Variants in TCN2 observed in about 807,000 individuals in gnomAD.
TCN2 encodes the protein transcobalamin-2.
In TCN2, 34 loss-of-function variants were observed where a neutral mutation model predicts 48.6. The observed-to-expected ratio is 0.70, with a 90% CI of 0.53 to 0.93. The LOEUF (loss-of-function observed/expected upper bound fraction) is 0.93. Among genes scored for constraint, TCN2 ranks in the 40% least tolerant of loss-of-function variants. TCN2 has a pLI of 0.00. For synonymous variants in TCN2, 283 were observed against 212.5 expected, an observed-to-expected ratio of 1.33 and a Z score of -2.89; for missense variants, 652 against 526.1, an observed-to-expected ratio of 1.24 and a Z score of -2.34.
rs2087598293 is a variant in TCN2, at chr22:30,615,429, G to A, written c.709G>A (p.Glu237Lys). Residue 237 changes from glutamate (E) to lysine (K), a missense_variant, in exon 5 of 9, where the codon GAG (glutamate) becomes AAG (lysine). By Grantham distance (56) the Glu-to-Lys change is moderately conservative. Transcript: ENST00000215838. ...GGAGATCTTGAAGGCCCAGACCCCCGAGGGCCACTTTGGGAATGTCTACAG... is the reference window on the plus strand; with the variant it reads ...GGAGATCTTGAAGGCCCAGACCCCCAAGGGCCACTTTGGGAATGTCTACAG... ...REEILKAQTP[E>K]GHFGNVYSTP... 5 of 1,614,030 alleles carry A rather than the reference G, an allele frequency of 3.1e-6. No individual in the cohort carries two copies. Among genetic ancestry groups the A allele is most frequent in the African/African-American group, 2.7e-5 (2 of 74,914 alleles).
intron 8 of TCN2, among the ~76,000 whole-genome samples, chr22:30,623,795 T>TAC (rs1267479189): frequency 5.3e-4 from 2 of 3,744 alleles, no homozygotes; most frequent in African/African-American, 2.8e-3. Context: ...TATACATATA[T>TAC]ACACACATAC....
chr22:30,609,790 A>G (rs1438267193), intron 1 of TCN2, among the ~76,000 whole-genome samples: 1 of 152,216 alleles, frequency 6.6e-6, no homozygotes, highest in African/African-American at 2.4e-5. Flanking sequence ...CTGGGCCCAC[A>G]CAGCAAAGGA....
Position 30,614,476 on chromosome 22 carries a change from T to G in TCN2, c.555T>G (p.Pro185=), listed in dbSNP as rs753255577. 3 of 1,614,188 alleles carry G rather than the reference T, an allele frequency of 1.9e-6. No individual in the cohort carries two copies. Among genetic ancestry groups the G allele is most frequent in the Non-Finnish European group, 2.5e-6 (3 of 1,180,028 alleles). ...ACAAACTTCTGTATGCTGTGGAACC[T>G]TTCCACCAGGGCCACCATTCTGTGG... ...VVDKLLYAVE[P]FHQGHHSVDT... is the part of the protein sequence containing the mutation. Residue 185 remains proline (P), a synonymous_variant, in exon 4 of 9, where the codon CCT becomes CCG. Coordinates refer to ENST00000215838, the MANE Select transcript of TCN2 (RefSeq NM_000355.4).
intron 7 of TCN2, among the ~76,000 whole-genome samples, chr22:30,620,143 CT>C (rs35127123): frequency 0.14 from 20,039 of 144,548 alleles, 1,384 homozygotes; most frequent in Admixed American, 0.17. Context: ...GATGACAAAA[CT>C]TTTTTTTTTT....
In TCN2 at chr22:30,615,724, C is replaced by G; in HGVS notation, c.877C>G (p.Leu293Val). 2 of 1,614,200 alleles carry G rather than the reference C, an allele frequency of 1.2e-6. No homozygotes were observed. The highest frequency in any genetic ancestry group is 1.7e-6 in the Non-Finnish European group (2 of 1,180,038). Reference sequence around the variant, plus strand: ...GAATGCTCTCATGATTTCCCAGCTGCTGCCCGTTCTGAACCACAAGACCTA... The same window carrying G: ...GAATGCTCTCATGATTTCCCAGCTGGTGCCCGTTCTGAACCACAAGACCTA... ...FQNALMISQL[L>V]PVLNHKTYID... Residue 293 changes from leucine to valine, a missense_variant, in exon 6 of 9, where the codon CTG (leucine) becomes GTG (valine). Coordinates refer to ENST00000215838, the MANE Select transcript of TCN2 (RefSeq NM_000355.4).
chr22:30,614,686 T>TGGTA (rs1201078565), intron 4 of TCN2, among the ~76,000 whole-genome samples, 185 bp downstream of exon 4: 2 of 152,146 alleles, frequency 1.3e-5, no homozygotes, highest in Non-Finnish European at 2.9e-5. Flanking sequence ...GCTTTGGAGC[T>TGGTA]GGTAGGTGGA....
In TCN2 at chr22:30,614,381, T is replaced by C. The variant is rs2087582347; in HGVS notation, c.460T>C (p.Tyr154His). The C allele has an allele frequency of 1.2e-6, 2 of 1,614,022 alleles. No individual in the cohort carries two copies. Among genetic ancestry groups the C allele is most frequent in the South Asian group, 2.2e-5 (2 of 91,082 alleles). Residue 154 changes from tyrosine to histidine, a missense_variant, in exon 4 of 9, where the codon TAC (tyrosine) becomes CAC (histidine). Coordinates refer to ENST00000215838, the MANE Select transcript of TCN2 (RefSeq NM_000355.4). ...HDHKGHPHTS[Y>H]YQYGLGILAL... Reference sequence around the variant, plus strand: ...TCACAAGGGCCACCCCCACACTAGCTACTACCAGTATGGCCTGGGCATTCT... The same window carrying C: ...TCACAAGGGCCACCCCCACACTAGCCACTACCAGTATGGCCTGGGCATTCT...
rs569631442 is a variant in TCN2 at position 30,624,807 on chromosome 22, C to T, written c.1223-1653C>T. Among the ~76,000 whole-genome samples the T allele has an allele frequency of 3.3e-5, 5 of 152,340 alleles. No homozygotes were observed. The South Asian group carries it at 1.0e-3, about 32-fold the overall frequency. ...TCCCAAATCAACCAGTTGCATAAAT[C>T]ACTCCTCTATCTTCCTTGGGGTGGA... On this transcript the variant is annotated intron_variant, in intron 8 of 8. Transcript: ENST00000215838.
intron 1 of TCN2, chr22:30,610,089 A>G (rs2087512840): frequency 4.8e-6 from 2 of 414,672 alleles, no homozygotes; most frequent in African/African-American, 4.1e-5. Context: ...CCTTGGAACT[A>G]TCCCTAAGGC....
chr22:30,607,293 T>C lies in TCN2; in HGVS notation c.-39T>C, dbSNP rs1357556061. 1.9e-6 allele frequency: 3 copies of C among 1,613,464 alleles called. No individual in the cohort carries two copies. The highest frequency in any genetic ancestry group is 4.5e-5 in the East Asian group (2 of 44,872). ...CAGCAGGGCCAGCCCCAGGAGTCTT[T>C]CCCGATTCTTGCTCACTGCTCACCC... On this transcript the variant is annotated 5_prime_UTR_variant, in exon 1 of 9. Transcript: ENST00000215838.
At chr22:30,613,300 T>C (rs746080291) in intron 3 of TCN2, among the ~76,000 whole-genome samples, 9 of 152,094 alleles carry the variant, frequency 5.9e-5, no homozygotes, top group Admixed American at 2.0e-4. Flanking sequence ...TTGTTTTGAG[T>C]TGGAGGTTTG....
At chr22:30,623,857 C>CACACAT (rs1569046655) in intron 8 of TCN2, among the ~76,000 whole-genome samples, 1 of 24,090 alleles carries the variant, frequency 4.2e-5, no homozygotes, top group Non-Finnish European at 7.3e-5. Context: ...CATACACATA[C>CACACAT]ATACACACAT....
intron 1 of TCN2, among the ~76,000 whole-genome samples, chr22:30,607,677 C>CA (rs1227806880): frequency 2.6e-5 from 4 of 152,124 alleles, no homozygotes; most frequent in African/African-American, 9.7e-5. Context: ...ACGTGCAAAG[C>CA]ATGAGACAAG....
chr22:30,612,761 G>A, intron 2 of TCN2, 112 bp from the exon 3 acceptor site: 1 of 1,373,854 alleles, frequency 7.3e-7, no homozygotes, highest in Non-Finnish European at 1.0e-6. Flanking sequence ...TTTTATCAAA[G>A]TTTCCCACTG....
At chr22:30,625,621 C>A (rs533576714) in intron 8 of TCN2, among the ~76,000 whole-genome samples, 7 of 152,062 alleles carry the variant, frequency 4.6e-5, no homozygotes, top group African/African-American at 1.7e-4. Context: ...TGGCACAAAG[C>A]CCAGCTAATT....
Position 30,623,831 on chromosome 22 carries a change from CATAT to C in TCN2, c.1222+750_1222+753del, listed in dbSNP as rs1248111998. ...ACATATATACACACACATACACACACATATACACACACATACATACACATACATA... is the reference window on the plus strand; with the variant it reads ...ACATATATACACACACATACACACACACACACACATACATACACATACATA... On this transcript the variant is annotated intron_variant, in intron 8 of 8. Coordinates refer to ENST00000215838, the MANE Select transcript of TCN2 (RefSeq NM_000355.4). 1.2e-4 allele frequency among the ~76,000 whole-genome samples: 4 copies of C among 33,048 alleles called. 1 individual carries two copies. The highest frequency in any genetic ancestry group is 2.5e-4 in the African/African-American group (1 of 3,980). The allele number at this position is 33,048 out of a possible 152,430, so 21.7% of individuals were successfully genotyped here. A position where few individuals can be genotyped will look rare whatever the true frequency, so the allele number is the denominator to read the frequency against.
chr22:30,607,791 G>A (rs1049879003), intron 1 of TCN2, among the ~76,000 whole-genome samples: 6 of 152,150 alleles, frequency 3.9e-5, no homozygotes, highest in Non-Finnish European at 8.8e-5. Context: ...GAAGGCTGAG[G>A]CGGGAGGGGA....
In TCN2 at chr22:30,611,038, C is replaced by A. The variant is rs1180349663; in HGVS notation, c.232C>A (p.Leu78Ile). ...KEDLYLHSLK[L>I]GYQQCLLGSA... ...AGACCTCTACCTGCACAGCCTCAAG[C>A]TTGGTTACCAGCAGTGCCTCCTAGG... The change falls in exon 2 of 9, where the codon CTT becomes ATT. Residue 78 changes from leucine to isoleucine, a missense_variant. Transcript: ENST00000215838. 1 of 1,614,026 alleles carries A rather than the reference C, an allele frequency of 6.2e-7. No homozygotes were observed. Among genetic ancestry groups the A allele is most frequent in the Non-Finnish European group, 8.5e-7 (1 of 1,179,996 alleles).
At position 30,617,374 on chromosome 22, in the gene TCN2, A is replaced by T. The variant is rs1425164489; in HGVS notation, c.985A>T (p.Ile329Phe). 2 of 1,614,094 alleles carry T rather than the reference A, an allele frequency of 1.2e-6. No individual in the cohort carries two copies. Among genetic ancestry groups the T allele is most frequent in the Non-Finnish European group, 1.7e-6 (2 of 1,180,012 alleles). The change falls in exon 7 of 9, where the codon ATC becomes TTC. Residue 329 changes from isoleucine (I) to phenylalanine (F), a missense_variant. Transcript: ENST00000215838. ...AAETIPQTQEIISVTLQVLSL... is the reference protein window; with the variant it reads ...AAETIPQTQEFISVTLQVLSL... ...TGAGACCATTCCTCAGACCCAAGAG[A>T]TCATCAGTGTCACGCTGCAGGTGCT...
Sources: allele counts gnomAD v4.1 joint callset (sites outside exome capture counted in the v4.1 genomes callset), GRCh38; gene constraint gnomAD v4.1.1; transcripts MANE v1.5; gene names NCBI Gene and HGNC (gene_info 2026-07-23, HGNC 2026-07-21).